The following SCAI variants were observed in gnomAD, a reference collection of about 807,000 sequenced individuals.
The protein encoded by SCAI is suppressor of cancer cell invasion, also known as protein SCAI.
A neutral mutation model predicts 92.2 loss-of-function variants in SCAI; 24 were observed. The observed-to-expected ratio is 0.26, with a 90% CI of 0.19 to 0.37. The LOEUF (loss-of-function observed/expected upper bound fraction) is 0.37. SCAI is among the 10% of genes least tolerant of loss of function. The pLI is 1.00. For missense variants in SCAI, 450 were observed against 736.2 expected, an observed-to-expected ratio of 0.61 and a Z score of 4.50; for synonymous variants, 261 against 258.6, an observed-to-expected ratio of 1.01 and a Z score of -0.09.
At chr9:125,043,812 A>G (rs956563802) in intron 3 of SCAI, among the ~76,000 whole-genome samples, 3 of 152,132 alleles carry the variant, frequency 2.0e-5, no homozygotes, top group Non-Finnish European at 4.4e-5. Flanking sequence ...TGCCGACTGC[A>G]GTGGGGAAGT....
chr9:125,043,172 C>A (rs1336332232), intron 3 of SCAI, among the ~76,000 whole-genome samples: 1 of 152,012 alleles, frequency 6.6e-6, no homozygotes, highest in Non-Finnish European at 1.5e-5. Context: ...CTGGCCTGCT[C>A]CCTGGCTCTT....
intron 3 of SCAI, among the ~76,000 whole-genome samples, chr9:125,049,964 C>T (rs1004097768): frequency 4.6e-5 from 7 of 152,034 alleles, no homozygotes; most frequent in African/African-American, 1.4e-4. Context: ...AACACACTTA[C>T]AGCATGTGCA....
In SCAI at chr9:124,949,927, GATT is replaced by G. The variant is rs1232158628; in HGVS notation, c.*2877_*2879del. ...CCAGCACAGTTTTCCTCTCTTTGAA[GATT>G]CAAGATCACTTCAGTCCACTTTAGA... On this transcript the variant is annotated 3_prime_UTR_variant, in exon 18 of 18. Transcript: ENST00000336505. The surrounding 1 kb of genome is among the most constrained non-coding windows in gnomAD (Gnocchi z 4.0). 6.6e-6 allele frequency: 1 copy of G among 152,136 alleles called. No individual in the cohort carries two copies. Among genetic ancestry groups the G allele is most frequent in the Non-Finnish European group, 1.5e-5 (1 of 68,022 alleles). 9.4% of individuals were successfully genotyped at this position (152,136 alleles called of 1,614,324 possible). A position where few individuals can be genotyped will look rare whatever the true frequency, so the allele number is the denominator to read the frequency against.
intron 2 of SCAI, among the ~76,000 whole-genome samples, chr9:125,066,414 C>T (rs1257445404): frequency 6.6e-6 from 1 of 151,934 alleles, no homozygotes; most frequent in Non-Finnish European, 1.5e-5. Flanking sequence ...ATGGTAAGTG[C>T]CCTGATAGGT....
chr9:124,994,885 G>C, intron 14 of SCAI, 49 bp downstream of exon 14: 1 of 1,252,826 alleles, frequency 8.0e-7, no homozygotes, highest in Non-Finnish European at 1.2e-6. Flanking sequence ...GGGTACCCTT[G>C]GGTTGGTGCC....
intron 2 of SCAI, among the ~76,000 whole-genome samples, chr9:125,126,984 G>A (rs1042653271): frequency 2.6e-5 from 4 of 152,222 alleles, no homozygotes; most frequent in African/African-American, 9.6e-5. Flanking sequence ...ACTGAGGGAA[G>A]AAGGGTAGAA....
intron 7 of SCAI, among the ~76,000 whole-genome samples, chr9:125,019,924 A>G (rs1191644947): frequency 6.6e-6 from 1 of 151,914 alleles, no homozygotes; most frequent in Non-Finnish European, 1.5e-5. Flanking sequence ...AAACACAAAA[A>G]TTAGCTAGGA....
At chr9:125,053,786 A>G (rs955548520) in intron 3 of SCAI, among the ~76,000 whole-genome samples, 15 of 152,124 alleles carry the variant, frequency 9.9e-5, no homozygotes, top group African/African-American at 3.4e-4. Flanking sequence ...TCAACTGTAA[A>G]CTTTGAATGG....
intron 9 of SCAI, among the ~76,000 whole-genome samples, chr9:125,004,763 ATATATATATATATATATTTTTTTTTTTTT>A (rs1425209225): frequency 4.8e-3 from 37 of 7,672 alleles, no homozygotes; most frequent in African/African-American, 0.015. Flanking sequence ...ATATATATAT[ATATATATATATATATATTTTTTTTTTTTT>A]TTTTTTTTTT....
At chr9:125,134,948 T>C (rs1835490013) in intron 2 of SCAI, among the ~76,000 whole-genome samples, 1 of 152,188 alleles carries the variant, frequency 6.6e-6, no homozygotes, top group African/African-American at 2.4e-5. Context: ...AATGCTGAGA[T>C]TACAGGCATG....
At chr9:125,093,414 G>A (rs954815883) in intron 2 of SCAI, among the ~76,000 whole-genome samples, 2 of 152,028 alleles carry the variant, frequency 1.3e-5, no homozygotes, top group Non-Finnish European at 2.9e-5. Context: ...CCTTCTCAAA[G>A]TTTCCACTGA....
intron 3 of SCAI, among the ~76,000 whole-genome samples, chr9:125,042,725 T>C (rs1040267058): frequency 6.6e-6 from 1 of 150,844 alleles, no homozygotes; most frequent in African/African-American, 2.4e-5. Context: ...CAGTAAGCTG[T>C]AGAGCTATGA....
rs1376298238 is a variant in SCAI at position 124,971,722 on chromosome 9, G to T, written c.1522C>A (p.Arg508=). ...TGGGCAATATCACGGTTGATTTTTC[G>T]AAGATATTCTTGACACTTTTCCCAT... ...GLWEKCQEYL[R]KINRDIAQLL... is the part of the protein sequence containing the mutation. The change falls in exon 16 of 18, where the codon CGA becomes AGA. Residue 508 remains arginine (R), a synonymous_variant. Transcript: ENST00000336505. The T allele has an allele frequency of 6.2e-7, 1 of 1,611,408 alleles. No homozygotes were observed. Among genetic ancestry groups the T allele is most frequent in the Non-Finnish European group, 8.5e-7 (1 of 1,179,416 alleles).
At chr9:125,000,508 G>A (rs543424357) in intron 12 of SCAI, among the ~76,000 whole-genome samples, 21 of 151,856 alleles carry the variant, frequency 1.4e-4, no homozygotes, top group Admixed American at 7.9e-4. Context: ...AAAATTAGCC[G>A]AGCATGGTGG....
At position 125,124,545 on chromosome 9, in the gene SCAI, A is replaced by G. The variant is rs565642704; in HGVS notation, c.98+18088T>C. Among the ~76,000 whole-genome samples the G allele has an allele frequency of 2.0e-5, 3 of 152,332 alleles. No individual in the cohort carries two copies. The East Asian group carries it at 5.8e-4, about 29-fold the overall frequency. ...CACTGATGTCCCAGCTCAAGGAGTC[A>G]GGCAGGAGAAGCTCCCTCTTGCTCA... is the stretch of plus-strand genomic sequence containing the variant. On this transcript the variant is annotated intron_variant, in intron 2 of 17. Coordinates refer to ENST00000336505, the MANE Select transcript of SCAI (RefSeq NM_001144877.3).
In SCAI at chr9:125,089,697, GTGTT is replaced by G. The variant is rs536432565; in HGVS notation, c.99-33694_99-33691del. On this transcript the variant is annotated intron_variant, in intron 2 of 17. Coordinates refer to ENST00000336505, the MANE Select transcript of SCAI (RefSeq NM_001144877.3). The stretch of plus-strand genomic sequence containing the variant: ...TTTTGGTTTGGGGTTGGGGGGGGCA[GTGTT>G]TGTTTGTTTTGTTTTAAGAGAAAGA... Among the ~76,000 whole-genome samples the G allele has an allele frequency of 4.0e-4, 61 of 152,060 alleles. No homozygotes were observed. The East Asian group carries it at 0.01, about 25-fold the overall frequency.
chr9:124,996,796 A>AT (rs1294345611), intron 13 of SCAI, among the ~76,000 whole-genome samples: 1 of 151,386 alleles, frequency 6.6e-6, no homozygotes, highest in Non-Finnish European at 1.5e-5. Flanking sequence ...CACCCGGCTA[A>AT]TTTTTTGTAT....
intron 2 of SCAI, among the ~76,000 whole-genome samples, chr9:125,118,837 G>C (rs1226911009): frequency 6.6e-6 from 1 of 152,170 alleles, no homozygotes; most frequent in Non-Finnish European, 1.5e-5. Flanking sequence ...TGCTGAGGAT[G>C]ATGGCTTCCA....
chr9:124,989,934 G>GGA (rs1832083770), intron 14 of SCAI, among the ~76,000 whole-genome samples: 1 of 151,578 alleles, frequency 6.6e-6, no homozygotes, highest in African/African-American at 2.4e-5. Flanking sequence ...CAGCACGTTG[G>GGA]GAGGCCAAGG....
Sources: allele counts gnomAD v4.1 joint callset (sites outside exome capture counted in the v4.1 genomes callset), GRCh38; gene constraint gnomAD v4.1.1; non-coding constraint Gnocchi (gnomAD v3.1); transcripts MANE v1.5; gene names NCBI Gene and HGNC (gene_info 2026-07-23, HGNC 2026-07-21).